Variants in INF2 observed in about 807,000 individuals in gnomAD.
INF2 encodes the protein inverted formin 2.
In INF2, 43 loss-of-function variants were observed where a neutral mutation model predicts 123.5. The ratio of observed to expected loss-of-function variants is 0.35; its 90% CI spans 0.27 to 0.45. The LOEUF is 0.45. Among genes scored for constraint, INF2 ranks in the 20% least tolerant of loss-of-function variants. INF2 has a pLI of 1.00. For synonymous variants in INF2, 851 were observed against 745.0 expected, an observed-to-expected ratio of 1.14 and a Z score of -2.32; for missense variants, 1,453 against 1,682.7, an observed-to-expected ratio of 0.86 and a Z score of 2.39.
Position 104,699,818 on chromosome 14 carries a change from TGGGCCAAGGTCTGCTGGTGAGGGCCC to T in INF2, c.-9-1534_-9-1509del, listed in dbSNP as rs1279712731. Among the ~76,000 whole-genome samples the T allele has an allele frequency of 6.6e-6, 1 of 152,078 alleles. No homozygotes were observed. The highest frequency in any genetic ancestry group is 1.9e-4 in the East Asian group (1 of 5,172). On this transcript the variant is annotated intron_variant, in intron 1 of 22. Coordinates refer to ENST00000392634, the MANE Select transcript of INF2 (RefSeq NM_022489.4). This position sits in a 1 kb window ranked among gnomAD's most constrained non-coding sequence, Gnocchi z 4.7. ...CTGAGGCCCAGGCAGGATGAGTGAC[TGGGCCAAGGTCTGCTGGTGAGGGCCC>T]GGGCTGGGGACATGCAGATCAGAAC...
chr14:104,697,803 G>A (rs1019280917), intron 1 of INF2, among the ~76,000 whole-genome samples: 1 of 152,266 alleles, frequency 6.6e-6, no homozygotes, highest in Non-Finnish European at 1.5e-5. Context: ...CCACTAGCAT[G>A]GGTGGGGTGA....
At chr14:104,700,676 G>GGGCT (rs1324515441) in intron 1 of INF2, among the ~76,000 whole-genome samples, 1 of 152,122 alleles carries the variant, frequency 6.6e-6, no homozygotes, top group African/African-American at 2.4e-5. Context: ...GGTGTTCCCA[G>GGGCT]GGCTGGAGTC....
In INF2 at chr14:104,706,187, G is replaced by C; in HGVS notation, c.843+11G>C. On this transcript the variant is annotated intron_variant, in intron 6 of 22. Transcript: ENST00000392634. Reference sequence around the variant, plus strand: ...TCCCTGTTCCACAAGGTGGGCTGGGGGCTGCAGGGCGGAGGGCAGCCCTCC... The same window carrying C: ...TCCCTGTTCCACAAGGTGGGCTGGGCGCTGCAGGGCGGAGGGCAGCCCTCC... 1 of 1,560,554 alleles carries C rather than the reference G, an allele frequency of 6.4e-7. No homozygotes were observed. Among genetic ancestry groups the C allele is most frequent in the Non-Finnish European group, 8.7e-7 (1 of 1,152,136 alleles).
At chr14:104,718,667 G>A (rs753749779) in intron 22 of INF2, 128 bp from the exon 23 acceptor site, 10 of 1,505,614 alleles carry the variant, frequency 6.6e-6, no homozygotes, top group Admixed American at 4.0e-5. Context: ...GTGGACCTGC[G>A]ATGCATGGCA....
chr14:104,711,321 C>A, intron 15 of INF2, 135 bp downstream of exon 15: 2 of 794,042 alleles, frequency 2.5e-6, no homozygotes, highest in Non-Finnish European at 4.1e-6. Context: ...CCGTCTAGAG[C>A]CAGCAGCCTC....
At chr14:104,713,156 G>A (rs1890132086) in intron 18 of INF2, 51 bp from the exon 19 acceptor site, 1 of 1,583,250 alleles carries the variant, frequency 6.3e-7, no homozygotes, top group Admixed American at 1.8e-5. Flanking sequence ...GGCCCATGGA[G>A]CCCCTGAGGG....
chr14:104,692,922 C>T (rs988087507), intron 1 of INF2, among the ~76,000 whole-genome samples: 1 of 152,230 alleles, frequency 6.6e-6, no homozygotes, highest in Admixed American at 6.5e-5. Flanking sequence ...TGGGCTGCCC[C>T]GAGCCTCTGT....
In INF2 at chr14:104,711,147, C is replaced by T; in HGVS notation, c.2379C>T (p.Ser793=). 1 of 1,573,334 alleles carries T rather than the reference C, an allele frequency of 6.4e-7. No individual in the cohort carries two copies. The highest frequency in any genetic ancestry group is 8.6e-7 in the Non-Finnish European group (1 of 1,160,632). ...TGCTGAAGCTCACGGAGACCAAGTC[C>T]CAGCAGAACCGCGTGACGCTGCTGC... is the stretch of plus-strand genomic sequence containing the variant. ...STLLKLTETK[S]QQNRVTLLHH... Residue 793 remains serine, a synonymous_variant, in exon 15 of 23, where the codon TCC becomes TCT. Coordinates refer to ENST00000392634, the MANE Select transcript of INF2 (RefSeq NM_022489.4).
In INF2 at chr14:104,709,314, T is replaced by G; in HGVS notation, c.1983T>G (p.Ala661=). The change falls in exon 11 of 23, where the codon GCT becomes GCG. Residue 661 remains alanine (A), a synonymous_variant. Coordinates refer to ENST00000392634, the MANE Select transcript of INF2 (RefSeq NM_022489.4). ...SNEEVAAMIR[A]GDTTKFDVEV... is the part of the protein sequence containing the mutation. The stretch of plus-strand genomic sequence containing the variant: ...AGGAGGTCGCTGCTATGATCCGGGC[T>G]GGAGATACCACCAAGTTTGATGTGG... The G allele has an allele frequency of 6.2e-7, 1 of 1,613,164 alleles. No individual in the cohort carries two copies. Among genetic ancestry groups the G allele is most frequent in the African/African-American group, 1.3e-5 (1 of 75,054 alleles).
At chr14:104,705,921 CAG>C in intron 5 of INF2, 112 bp from the exon 6 acceptor site, 1 of 1,348,930 alleles carries the variant, frequency 7.4e-7, no homozygotes, top group Non-Finnish European at 1.0e-6. Context: ...TGGCCTGGCT[CAG>C]AGTCCCAGGT....
At position 104,712,541 on chromosome 14, in the gene INF2, C is replaced by T. The variant is rs552110857; in HGVS notation, c.2598C>T (p.Thr866=). ...TGGCCGAGGTCCAGGAGCAGTACAC[C>T]GAGCGCCTCCAGGCAAGTGGGCACC... The part of the protein sequence containing the change: ...ASVAEVQEQY[T]ERLQASISAF... The change falls in exon 17 of 23, where the codon ACC becomes ACT. Residue 866 remains threonine, a synonymous_variant. Coordinates refer to ENST00000392634, the MANE Select transcript of INF2 (RefSeq NM_022489.4). 18 of 1,612,610 alleles carry T rather than the reference C, an allele frequency of 1.1e-5. 1 individual carries two copies. Among genetic ancestry groups the T allele is most frequent in the Middle Eastern group, 1.7e-4 (1 of 6,056 alleles).
In INF2 at chr14:104,699,516, G is replaced by T. The variant is rs1024150449; in HGVS notation, c.-9-1841G>T. On this transcript the variant is annotated intron_variant, in intron 1 of 22. Transcript: ENST00000392634. The surrounding 1 kb of genome is among the most constrained non-coding windows in gnomAD (Gnocchi z 4.7). Reference sequence around the variant, plus strand: ...GCAGCTCAGCGGTCAGCAGCGATGAGAAGCCAGGGGAGCGTGAGGAGCAGC... The same window carrying T: ...GCAGCTCAGCGGTCAGCAGCGATGATAAGCCAGGGGAGCGTGAGGAGCAGC... 1 of 985,238 alleles carries T rather than the reference G, an allele frequency of 1.0e-6. No individual in the cohort carries two copies. Among genetic ancestry groups the T allele is most frequent in the Non-Finnish European group, 1.2e-6 (1 of 829,906 alleles). The allele number at this position is 985,238 out of a possible 1,614,324, so 61.0% of individuals were successfully genotyped here.
At chr14:104,703,991 C>T (rs748091467) in intron 5 of INF2, 42 bp downstream of exon 5, 8 of 1,605,984 alleles carry the variant, frequency 5.0e-6, no homozygotes, top group African/African-American at 2.7e-5. Context: ...CCCCCTCCTG[C>T]TCCCAAGGCC....
rs979682994 is a variant in INF2, at chr14:104,689,704, G to A, written c.-45G>A. ...CTGACCCGGCCCCGGACGGAGCGCC[G>A]GCCGCACCACCGCCCTCTGGCCGTT... On this transcript the variant is annotated 5_prime_UTR_variant, in exon 1 of 23. Coordinates refer to ENST00000392634, the MANE Select transcript of INF2 (RefSeq NM_022489.4). 1.0e-6 allele frequency: 1 copy of A among 984,922 alleles called. No homozygotes were observed. The highest frequency in any genetic ancestry group is 1.2e-6 in the Non-Finnish European group (1 of 829,794). The allele number at this position is 984,922 out of a possible 1,614,324, so 61.0% of individuals were successfully genotyped here. A position where few individuals can be genotyped will look rare whatever the true frequency, so the allele number is the denominator to read the frequency against.
At chr14:104,683,816 T>C (rs1401692035) in intron 1 of INF2, among the ~76,000 whole-genome samples, 1 of 152,034 alleles carries the variant, frequency 6.6e-6, no homozygotes, top group Non-Finnish European at 1.5e-5. Flanking sequence ...CCCTGAGCCC[T>C]CTCCCCCTCT....
At chr14:104,682,437 C>T (rs1337618372) in intron 1 of INF2, among the ~76,000 whole-genome samples, 1 of 152,170 alleles carries the variant, frequency 6.6e-6, no homozygotes, top group African/African-American at 2.4e-5. Flanking sequence ...ATAAGGTGCC[C>T]CAGATGAGCA....
At chr14:104,692,709 C>T (rs1298034181) in intron 1 of INF2, among the ~76,000 whole-genome samples, 1 of 152,260 alleles carries the variant, frequency 6.6e-6, no homozygotes, top group African/African-American at 2.4e-5. Context: ...CCCAGCCAGT[C>T]GGCCTGGGTC....
Position 104,706,027 on chromosome 14 carries a change from C to T in INF2, c.702-8C>T. 1.9e-6 allele frequency: 3 copies of T among 1,611,072 alleles called. No individual in the cohort carries two copies. The highest frequency in any genetic ancestry group is 2.5e-6 in the Non-Finnish European group (3 of 1,179,176). ...GCAGGCTTAGCCCACCTGGCCCCTC[C>T]TGCACAGAGACCTGGAGGATGCCGA... is the stretch of plus-strand genomic sequence containing the variant. On this transcript the variant is annotated splice_polypyrimidine_tract_variant and splice_region_variant and intron_variant, in intron 5 of 22. Coordinates refer to ENST00000392634, the MANE Select transcript of INF2 (RefSeq NM_022489.4).
intron 21 of INF2, 65 bp downstream of exon 21, chr14:104,714,921 C>G: frequency 1.4e-6 from 2 of 1,440,890 alleles, no homozygotes; most frequent in Non-Finnish European, 1.8e-6. Flanking sequence ...CCGGTCCCTC[C>G]CCTTCCCCAT....
Sources: allele counts gnomAD v4.1 joint callset (sites outside exome capture counted in the v4.1 genomes callset), GRCh38; gene constraint gnomAD v4.1.1; non-coding constraint Gnocchi (gnomAD v3.1); transcripts MANE v1.5; gene names NCBI Gene and HGNC (gene_info 2026-07-23, HGNC 2026-07-21).